CFAP74: variants seen among roughly 807,000 people sequenced by gnomAD.
CFAP74 encodes cilia- and flagella-associated protein 74.
A neutral mutation model predicts 188.9 loss-of-function variants in CFAP74; 124 were observed. The observed-to-expected ratio is 0.66, with a 90% CI of 0.57 to 0.76. CFAP74 has a LOEUF of 0.76. Ranked by LOEUF, CFAP74 falls within the 30% of genes least tolerant of loss-of-function variation. The pLI is 0.00. For synonymous variants in CFAP74, 956 were observed against 916.7 expected, an observed-to-expected ratio of 1.04 and a Z score of -0.77; for missense variants, 2,198 against 2,165.2, an observed-to-expected ratio of 1.02 and a Z score of -0.30.
rs1345597796 is a variant in CFAP74 at position 1,955,326 on chromosome 1, C to A, written c.2176+365G>T. The A allele has an allele frequency of 4.6e-6, 6 of 1,311,766 alleles. No individual in the cohort carries two copies. The East Asian group carries it at 2.6e-4, about 56-fold the overall frequency. 81.3% of individuals were successfully genotyped at this position (1,311,766 alleles called of 1,614,324 possible). A position where few individuals can be genotyped will look rare whatever the true frequency, so the allele number is the denominator to read the frequency against. On this transcript the variant is annotated intron_variant, in intron 18 of 38. Transcript: ENST00000682832. ...CTCGGCACCTCTCCCCGCTGGTGCG[C>A]GTCTAACAACAGCCACAGCTGCAGA...
At chr1:1,956,474 A>T in intron 17 of CFAP74, 146 bp downstream of exon 17, 1 of 920,062 alleles carries the variant, frequency 1.1e-6, no homozygotes, top group Non-Finnish European at 1.7e-6. Flanking sequence ...TCTTCTGCTT[A>T]GGCTGATTTG....
At chr1:1,932,519 C>T (rs985532319) in intron 25 of CFAP74, among the ~76,000 whole-genome samples, 6 of 151,622 alleles carry the variant, frequency 4.0e-5, no homozygotes, top group African/African-American at 1.2e-4. Flanking sequence ...ACAGCCGTGG[C>T]GCCCAGCACT....
chr1:1,927,064 C>A lies in CFAP74; in HGVS notation c.3528-36G>T, dbSNP rs960605970. 1.0e-5 allele frequency: 16 copies of A among 1,549,084 alleles called. No homozygotes were observed. The Admixed American group carries it at 1.6e-4, about 15-fold the overall frequency. Reference sequence around the variant, plus strand: ...GTCAGAGGCTTGCGCTCCCGCCTTGCCCCCACCCACCATCGGCCCAGGCCG... The same window carrying A: ...GTCAGAGGCTTGCGCTCCCGCCTTGACCCCACCCACCATCGGCCCAGGCCG... On this transcript the variant is annotated intron_variant, in intron 28 of 38. Transcript: ENST00000682832.
At position 1,942,261 on chromosome 1, in the gene CFAP74, A is replaced by G; in HGVS notation, c.2487-105T>C. ...CATTTCTGGCACCCAAGCCCCCGAG[A>G]GGTGCTCAGAGCCCACCCACTCCAA... On this transcript the variant is annotated intron_variant, in intron 21 of 38. Transcript: ENST00000682832. The surrounding 1 kb of genome is among the most constrained non-coding windows in gnomAD (Gnocchi z 4.3). 8.6e-7 allele frequency: 1 copy of G among 1,163,874 alleles called. No homozygotes were observed. Among genetic ancestry groups the G allele is most frequent in the Non-Finnish European group, 1.1e-6 (1 of 882,042 alleles). 72.1% of individuals were successfully genotyped at this position (1,163,874 alleles called of 1,614,324 possible).
chr1:1,957,290 G>C (rs1412682872), intron 16 of CFAP74, among the ~76,000 whole-genome samples: 1 of 152,188 alleles, frequency 6.6e-6, no homozygotes. Flanking sequence ...TCTGCCCAAT[G>C]GCCCCTCCTC....
intron 16 of CFAP74, 55 bp from the exon 17 acceptor site, chr1:1,956,839 C>T: frequency 6.3e-7 from 1 of 1,578,380 alleles, no homozygotes; most frequent in Non-Finnish European, 8.6e-7. Flanking sequence ...CACAGGGTGC[C>T]CAGCGTGAGG....
rs1018855745 is a variant in CFAP74 at position 1,975,340 on chromosome 1, G to C, written c.501-1142C>G. Among the ~76,000 whole-genome samples the C allele has an allele frequency of 6.6e-6, 1 of 152,176 alleles. No individual in the cohort carries two copies. The highest frequency in any genetic ancestry group is 2.4e-5 in the African/African-American group (1 of 41,430). On this transcript the variant is annotated intron_variant, in intron 6 of 38. Coordinates refer to ENST00000682832, the MANE Select transcript of CFAP74 (RefSeq NM_001304360.2). This position sits in a 1 kb window ranked among gnomAD's most constrained non-coding sequence, Gnocchi z 4.5. Reference sequence around the variant, plus strand: ...TTCTCTTTTAACGTGTTAATGTCAAGGATTTCTAACGTTGAGCCTTTTTCG... The same window carrying C: ...TTCTCTTTTAACGTGTTAATGTCAACGATTTCTAACGTTGAGCCTTTTTCG...
intron 1 of CFAP74, among the ~76,000 whole-genome samples, chr1:2,001,742 TGAGCCACTGA>T (rs1658220933): frequency 6.6e-6 from 1 of 152,156 alleles, no homozygotes. Context: ...GTGACCACTG[TGAGCCACTGA>T]CTGGATGGAA....
chr1:1,953,924 T>A (rs1420368620), intron 18 of CFAP74: 1 of 152,182 alleles, frequency 6.6e-6, no homozygotes, highest in East Asian at 1.9e-4. Context: ...AGCCACAGAC[T>A]CGGAGGCAGC....
chr1:1,991,678 T>C (rs1489351525), intron 1 of CFAP74, among the ~76,000 whole-genome samples: 1 of 152,136 alleles, frequency 6.6e-6, no homozygotes, highest in Admixed American at 6.6e-5. Flanking sequence ...TGTGAAACTG[T>C]GTAACATCAG....
At chr1:2,000,346 C>T (rs987563490) in intron 1 of CFAP74, among the ~76,000 whole-genome samples, 3 of 152,222 alleles carry the variant, frequency 2.0e-5, no homozygotes, top group East Asian at 1.9e-4. Flanking sequence ...TCCCCTAACA[C>T]GCGCATGGGT....
intron 20 of CFAP74, among the ~76,000 whole-genome samples, chr1:1,945,827 CAAAAA>C (rs1161813880): frequency 1.2e-5 from 1 of 82,040 alleles, no homozygotes. Context: ...GACCCTAACT[CAAAAA>C]AAAAAAAAAA....
chr1:1,987,207 T>C (rs1657297591), intron 4 of CFAP74, among the ~76,000 whole-genome samples, 172 bp from the exon 5 acceptor site: 1 of 152,166 alleles, frequency 6.6e-6, no homozygotes, highest in Non-Finnish European at 1.5e-5. Flanking sequence ...GGTCTTGTCG[T>C]CCATTTTTGG....
intron 14 of CFAP74, among the ~76,000 whole-genome samples, chr1:1,961,631 C>T (rs1025679770): frequency 2.6e-4 from 39 of 152,200 alleles, no homozygotes; most frequent in African/African-American, 7.0e-4. Flanking sequence ...GAGAAACAGG[C>T]GGGCTGCAGA....
chr1:1,930,867 G>A (rs1053267894), intron 25 of CFAP74, among the ~76,000 whole-genome samples: 1 of 152,214 alleles, frequency 6.6e-6, no homozygotes, highest in African/African-American at 2.4e-5. Context: ...GGCCTATTAT[G>A]AGCAAGTTGA....
At chr1:1,945,029 C>G (rs905923166) in intron 20 of CFAP74, among the ~76,000 whole-genome samples, 2 of 152,142 alleles carry the variant, frequency 1.3e-5, no homozygotes, top group Non-Finnish European at 2.9e-5. Flanking sequence ...TTTCTATGGC[C>G]GAGCACAGTG....
chr1:1,977,647 C>G (rs1242510180), intron 6 of CFAP74, among the ~76,000 whole-genome samples: 1 of 152,186 alleles, frequency 6.6e-6, no homozygotes, highest in Non-Finnish European at 1.5e-5. Flanking sequence ...GAGGGAAGAG[C>G]CTGTCCGAGG....
At chr1:1,981,404 G>A (rs141533907) in intron 6 of CFAP74, among the ~76,000 whole-genome samples, 3,054 of 151,068 alleles carry the variant, frequency 0.02, 103 homozygotes, top group African/African-American at 0.069. Context: ...AGCCAGCCGC[G>A]GACAGACACG....
chr1:1,943,698 G>A (rs1318509268), intron 21 of CFAP74, among the ~76,000 whole-genome samples: 1 of 152,222 alleles, frequency 6.6e-6, no homozygotes, highest in East Asian at 1.9e-4. Context: ...ACTCTGGCCG[G>A]GCCCAGGCGG....
Sources: gnomAD v4.1 joint callset for allele counts (sites outside exome capture counted in the v4.1 genomes callset) on GRCh38, gnomAD v4.1.1 for gene constraint, Gnocchi (gnomAD v3.1) non-coding constraint, MANE v1.5 for transcripts, NCBI Gene and HGNC (gene_info 2026-07-23, HGNC 2026-07-21) for gene names.